Variants in HOXB3 observed in about 807,000 individuals in gnomAD.
HOXB3 encodes the protein homeobox B3.
A neutral mutation model predicts 29.2 loss-of-function variants in HOXB3; 17 were observed. That is an observed-to-expected ratio of 0.58 (90% confidence interval 0.40 to 0.87). HOXB3 has a LOEUF of 0.87. Among genes scored for constraint, HOXB3 ranks in the 40% least tolerant of loss-of-function variants. The pLI, the probability that HOXB3 is intolerant of heterozygous loss-of-function variation, is 0.00. For missense variants in HOXB3, 637 were observed against 616.3 expected (o/e 1.03, Z -0.35); for synonymous variants, 317 against 285.9 (o/e 1.11, Z -1.10).
intron 2 of HOXB3, among the ~76,000 whole-genome samples, chr17:48,571,135 G>C (rs1406097908): frequency 6.6e-6 from 1 of 152,222 alleles, no homozygotes; most frequent in African/African-American, 2.4e-5. Flanking sequence ...ACAAGCGCCT[G>C]ATCGCGAGCC....
Position 48,552,288 on chromosome 17 carries a change from G to A in HOXB3, c.187C>T (p.His63Tyr), listed in dbSNP as rs765033034. Residue 63 changes from histidine to tyrosine, a missense_variant, in exon 4 of 5, where the codon CAT (histidine) becomes TAT (tyrosine). Physicochemically the swap from His to Tyr is moderately conservative, Grantham distance 83. Coordinates refer to ENST00000498678, the MANE Select transcript of HOXB3 (RefSeq NM_001384749.1). ...CCGTTGAGCTCCTTGCTCTTGGCAT[G>A]TGGGGCAGCGTTGCCCAGGGACTGC... The part of the protein sequence containing the change: ...SLQSLGNAAP[H>Y]AKSKELNGSC... 1.4e-5 allele frequency: 22 copies of A among 1,613,916 alleles called. No individual in the cohort carries two copies. The highest frequency in any genetic ancestry group is 2.7e-5 in the African/African-American group (2 of 74,920).
At chr17:48,572,617 C>T (rs910277860) in intron 2 of HOXB3, among the ~76,000 whole-genome samples, 1 of 152,188 alleles carries the variant, frequency 6.6e-6, no homozygotes, top group Admixed American at 6.5e-5. Flanking sequence ...GGAGCCTGGA[C>T]TGCTGAAGGT....
chr17:48,567,811 CTT>C (rs562804203), intron 2 of HOXB3, among the ~76,000 whole-genome samples: 2 of 152,190 alleles, frequency 1.3e-5, no homozygotes, highest in African/African-American at 4.8e-5. Context: ...GCTGAGGAAA[CTT>C]TTCTTTGTTT....
At position 48,554,330 on chromosome 17, in the gene HOXB3, A is replaced by G. The variant is rs1028243343; in HGVS notation, c.-159+1201T>C. On this transcript the variant is annotated intron_variant, in intron 3 of 4. Transcript: ENST00000498678. This position sits in a 1 kb window ranked among gnomAD's most constrained non-coding sequence, Gnocchi z 4.1. ...TTTATTTAGTCTGATTGTTACAGCA[A>G]TAATAATGATGACGATGATGATGAT... The G allele has an allele frequency of 1.7e-5, 6 of 356,156 alleles. No homozygotes were observed. Among genetic ancestry groups the G allele is most frequent in the African/African-American group, 6.2e-5 (3 of 48,208 alleles). 22.1% of individuals were successfully genotyped at this position (356,156 alleles called of 1,614,324 possible).
At chr17:48,578,083 T>TGGCGGAGGCGGCGGGGGC (rs2069829140) in intron 1 of HOXB3, 1 of 103,594 alleles carries the variant, frequency 9.7e-6, no homozygotes. Context: ...GCGGCGGGGG[T>TGGCGGAGGCGGCGGGGGC]GGTGGCGGAG....
chr17:48,585,000 C>G (rs1567966782), intron 1 of HOXB3, among the ~76,000 whole-genome samples: 1 of 145,618 alleles, frequency 6.9e-6, no homozygotes, highest in Non-Finnish European at 1.5e-5. Flanking sequence ...TCCAACTTTG[C>G]GACCCCTCCG....
At chr17:48,552,884 T>A (rs2068820178) in intron 3 of HOXB3, 2 of 170,682 alleles carry the variant, frequency 1.2e-5, no homozygotes, top group Non-Finnish European at 2.5e-5. Context: ...GCTTCTCTCC[T>A]GCCTGTGCAC....
intron 2 of HOXB3, among the ~76,000 whole-genome samples, chr17:48,557,523 T>A (rs976366551): frequency 1.3e-5 from 2 of 152,142 alleles, no homozygotes; most frequent in African/African-American, 4.8e-5. Flanking sequence ...CAAGGCTAAG[T>A]CAGGCCAGGT....
At chr17:48,589,460 C>T (rs980620265) in intron 1 of HOXB3, among the ~76,000 whole-genome samples, 6 of 152,188 alleles carry the variant, frequency 3.9e-5, no homozygotes, top group African/African-American at 1.2e-4. Flanking sequence ...GATCCTACTT[C>T]GAGCCAAGGA....
intron 1 of HOXB3, chr17:48,576,110 T>G (rs577020144): frequency 1.3e-5 from 2 of 151,594 alleles, no homozygotes; most frequent in East Asian, 3.9e-4. Flanking sequence ...TGAGGGAGAG[T>G]GTGTGTGTGT....
chr17:48,571,248 G>C (rs532037161), intron 2 of HOXB3, among the ~76,000 whole-genome samples: 1 of 152,178 alleles, frequency 6.6e-6, no homozygotes, highest in South Asian at 2.1e-4. Context: ...TCACAAATCC[G>C]TCAGCGCTCA....
chr17:48,552,177 TGGCACTGGTAGGTGC>T lies in HOXB3; in HGVS notation c.283_297del (p.Ala95_Ala99del). The T allele has an allele frequency of 6.2e-7, 1 of 1,613,912 alleles. No homozygotes were observed. The highest frequency in any genetic ancestry group is 1.1e-5 in the South Asian group (1 of 91,070). On this transcript the variant is annotated inframe_deletion, in exon 4 of 5. Transcript: ENST00000498678. Reference sequence around the variant, plus strand: ...CCGCCCCCATTACTGCTGTTGCTAGTGGCACTGGTAGGTGCGGCACTGGGCGGGGGTGAGCCAGGC... The same window carrying T: ...CCGCCCCCATTACTGCTGTTGCTAGTGGCACTGGGCGGGGGTGAGCCAGGC...
At chr17:48,562,751 G>A (rs1311769506) in intron 2 of HOXB3, among the ~76,000 whole-genome samples, 1 of 152,190 alleles carries the variant, frequency 6.6e-6, no homozygotes, top group Non-Finnish European at 1.5e-5. Flanking sequence ...AAGTTTAGCT[G>A]GAGGCGAGGA....
At chr17:48,582,776 A>G (rs1051962714) in intron 1 of HOXB3, among the ~76,000 whole-genome samples, 1 of 152,166 alleles carries the variant, frequency 6.6e-6, no homozygotes, top group Non-Finnish European at 1.5e-5. Flanking sequence ...CCCACCCGAA[A>G]AAAGTCCCAT....
At chr17:48,589,401 T>C (rs1197040975) in intron 1 of HOXB3, among the ~76,000 whole-genome samples, 2 of 152,048 alleles carry the variant, frequency 1.3e-5, no homozygotes, top group Non-Finnish European at 2.9e-5. Context: ...GAATTAGGTT[T>C]TGAATTGGGG....
chr17:48,580,740 G>A (rs949723308), intron 1 of HOXB3: 10 of 152,200 alleles, frequency 6.6e-5, no homozygotes, highest in African/African-American at 2.4e-4. Flanking sequence ...GGGAGGTGTG[G>A]GGAGGAACCC....
rs573299577 is a variant in HOXB3, at chr17:48,559,036, A to C, written c.-246-3418T>G. 5.3e-5 allele frequency among the ~76,000 whole-genome samples: 8 copies of C among 152,202 alleles called. No individual in the cohort carries two copies. In the South Asian group the frequency reaches 1.5e-3, roughly 28 times the overall value. On this transcript the variant is annotated intron_variant, in intron 2 of 4. Coordinates refer to ENST00000498678, the MANE Select transcript of HOXB3 (RefSeq NM_001384749.1). ...CACTAGCATAAACTAATGAAGTAAAAAAATAATAAGGGTAAAGATTAGAGA... is the reference window on the plus strand; with the variant it reads ...CACTAGCATAAACTAATGAAGTAAACAAATAATAAGGGTAAAGATTAGAGA...
intron 2 of HOXB3, among the ~76,000 whole-genome samples, chr17:48,561,183 AACACACACACACACACACAC>A (rs530713063): frequency 7.2e-5 from 9 of 125,490 alleles, no homozygotes; most frequent in Middle Eastern, 8.0e-3. Context: ...TCCGTCTCAA[AACACACACACACACACACAC>A]ACACACACAC....
chr17:48,585,394 C>T (rs1456059135), intron 1 of HOXB3, among the ~76,000 whole-genome samples: 3 of 152,204 alleles, frequency 2.0e-5, no homozygotes, highest in African/African-American at 4.8e-5. Context: ...AGGGGCTCCT[C>T]GGGAGCAGAA....
Sources: allele counts gnomAD v4.1 joint callset (sites outside exome capture counted in the v4.1 genomes callset), GRCh38; gene constraint gnomAD v4.1.1; non-coding constraint Gnocchi (gnomAD v3.1); transcripts MANE v1.5; gene names NCBI Gene and HGNC (gene_info 2026-07-23, HGNC 2026-07-21).